The following NHSL1 variants were observed in gnomAD, a reference collection of about 807,000 sequenced individuals.
NHSL1 encodes the protein NHS like 1.
Under a neutral mutation model 95.0 loss-of-function variants are expected in NHSL1, and 48 were observed. The observed-to-expected ratio is 0.51, with a 90% CI of 0.40 to 0.64. NHSL1 has a LOEUF of 0.64. NHSL1 is among the 30% of genes least tolerant of loss of function. The pLI is 0.00. For missense variants in NHSL1, 1,971 were observed against 2,077.7 expected, an observed-to-expected ratio of 0.95 and a Z score of 1.00; for synonymous variants, 783 against 833.9, an observed-to-expected ratio of 0.94 and a Z score of 1.05.
At chr6:138,590,280 A>G (rs750987363) in intron 1 of NHSL1, among the ~76,000 whole-genome samples, 1 of 152,142 alleles carries the variant, frequency 6.6e-6, no homozygotes, top group Non-Finnish European at 1.5e-5. Context: ...TTCCAGGCGT[A>G]AGCCACTGCG....
intron 1 of NHSL1, among the ~76,000 whole-genome samples, chr6:138,645,834 C>T (rs1458611450): frequency 6.6e-6 from 1 of 152,084 alleles, no homozygotes; most frequent in Non-Finnish European, 1.5e-5. Context: ...CCTCCACAAA[C>T]ATCACCAGAG....
intron 1 of NHSL1, among the ~76,000 whole-genome samples, chr6:138,626,004 G>A (rs897216844): frequency 1.3e-5 from 2 of 152,194 alleles, no homozygotes; most frequent in African/African-American, 4.8e-5. Flanking sequence ...GAAAACTACT[G>A]TTGAGTTTTT....
intron 1 of NHSL1, among the ~76,000 whole-genome samples, chr6:138,682,208 G>C (rs1269550296): frequency 6.6e-6 from 1 of 151,846 alleles, no homozygotes; most frequent in African/African-American, 2.4e-5. Context: ...TTTCTACATG[G>C]GTGGAAATGT....
At position 138,611,475 on chromosome 6, in the gene NHSL1, G is replaced by A. The variant is rs115530180; in HGVS notation, c.96+81001C>T. Among the ~76,000 whole-genome samples, 302 of 152,280 alleles carry A rather than the reference G, an allele frequency of 2.0e-3. 1 individual carries two copies. The highest frequency in any genetic ancestry group is 6.7e-3 in the African/African-American group (280 of 41,570). On this transcript the variant is annotated intron_variant, in intron 1 of 3. Coordinates refer to the NHSL1 transcript ENST00000491526. Reference sequence around the variant, plus strand: ...ACATTAAAGGCTGCCATGCCACCACGGTGGCTCACGCCTGTAATCCCAGCA... The same window carrying A: ...ACATTAAAGGCTGCCATGCCACCACAGTGGCTCACGCCTGTAATCCCAGCA...
At chr6:138,562,525 G>T (rs1783451011) in intron 1 of NHSL1, among the ~76,000 whole-genome samples, 1 of 152,066 alleles carries the variant, frequency 6.6e-6, no homozygotes, top group Non-Finnish European at 1.5e-5. Context: ...AGCCAGGCGT[G>T]GTGGCACACA....
At chr6:138,645,444 T>C (rs951003708) in intron 1 of NHSL1, among the ~76,000 whole-genome samples, 1 of 152,146 alleles carries the variant, frequency 6.6e-6, no homozygotes, top group Non-Finnish European at 1.5e-5. Flanking sequence ...ATTTGTTCTA[T>C]AGCACTAATC....
intron 3 of NHSL1, among the ~76,000 whole-genome samples, chr6:138,472,743 G>A (rs1428744804): frequency 1.3e-5 from 2 of 152,180 alleles, no homozygotes; most frequent in Non-Finnish European, 2.9e-5. Flanking sequence ...TATCACCAGA[G>A]ATGGCAGAGG....
chr6:138,537,189 C>T (rs1216972763), intron 1 of NHSL1, among the ~76,000 whole-genome samples: 1 of 152,194 alleles, frequency 6.6e-6, no homozygotes, highest in Admixed American at 6.5e-5. Flanking sequence ...GGAAACATTT[C>T]CAAAAAGGAA....
At chr6:138,494,846 A>G (rs1259490473) in intron 2 of NHSL1, among the ~76,000 whole-genome samples, 1 of 152,208 alleles carries the variant, frequency 6.6e-6, no homozygotes, top group Admixed American at 6.5e-5. Context: ...ACTAAGAAAA[A>G]GTCTCTGAAT....
intron 1 of NHSL1, among the ~76,000 whole-genome samples, chr6:138,516,823 C>T (rs1450886507): frequency 1.3e-5 from 2 of 151,922 alleles, no homozygotes; most frequent in Non-Finnish European, 2.9e-5. Flanking sequence ...TTTTTAGAGA[C>T]AGGGTTTCAC....
intron 1 of NHSL1, among the ~76,000 whole-genome samples, chr6:138,675,918 T>C (rs1378577936): frequency 6.6e-6 from 1 of 152,228 alleles, no homozygotes; most frequent in Non-Finnish European, 1.5e-5. Flanking sequence ...GGGGTTGCCC[T>C]ATGCCTGGTC....
intron 1 of NHSL1, among the ~76,000 whole-genome samples, chr6:138,614,812 C>A (rs1225523631): frequency 6.6e-6 from 1 of 152,118 alleles, no homozygotes; most frequent in African/African-American, 2.4e-5. Context: ...GAAGCATGAA[C>A]CCTATTGTGA....
chr6:138,434,044 T>C (rs1361718584), intron 5 of NHSL1, among the ~76,000 whole-genome samples: 1 of 152,204 alleles, frequency 6.6e-6, no homozygotes, highest in Non-Finnish European at 1.5e-5. Flanking sequence ...ACTGGGTGAC[T>C]GTGCAGACCA....
intron 1 of NHSL1, among the ~76,000 whole-genome samples, chr6:138,688,606 G>A (rs1285950475): frequency 6.6e-6 from 1 of 152,088 alleles, no homozygotes; most frequent in East Asian, 1.9e-4. Flanking sequence ...TCACGCCACT[G>A]CACTCCATCC....
At chr6:138,535,261 T>C (rs1425990046) in intron 1 of NHSL1, among the ~76,000 whole-genome samples, 4 of 151,824 alleles carry the variant, frequency 2.6e-5, no homozygotes, top group Admixed American at 6.6e-5. Flanking sequence ...AATGTAGGAA[T>C]AAGAAAAAAA....
intron 7 of NHSL1, among the ~76,000 whole-genome samples, chr6:138,428,553 G>A (rs949366376): frequency 1.3e-5 from 2 of 152,302 alleles, no homozygotes; most frequent in Middle Eastern, 3.4e-3. Context: ...AACACTAGAG[G>A]AGCGACGTAA....
At chr6:138,604,706 ACCTCTGCCT>A (rs1250612812) in intron 1 of NHSL1, among the ~76,000 whole-genome samples, 6 of 151,856 alleles carry the variant, frequency 4.0e-5, no homozygotes, top group African/African-American at 1.5e-4. Flanking sequence ...GCTCACTGCA[ACCTCTGCCT>A]CCTGGGTTCA....
chr6:138,466,479 C>T (rs1410942608), intron 3 of NHSL1, among the ~76,000 whole-genome samples: 1 of 152,220 alleles, frequency 6.6e-6, no homozygotes, highest in East Asian at 1.9e-4. Context: ...TCCCAATCAC[C>T]TCTATGCTGA....
chr6:138,431,836 T>C lies in NHSL1; in HGVS notation c.2509A>G (p.Met837Val), dbSNP rs1259693428. ...ACTCTGTGTGACTTCTCTGGTGACA[T>C]GATCTTTGGTTTGACTGAACCACCG... ...VPGGSVKPKI[M>V]SPEKSHRVIS... is the part of the protein sequence containing the mutation. Residue 837 changes from methionine (M) to valine (V), a missense_variant, in exon 6 of 8, where the codon ATG (methionine) becomes GTG (valine). This residue lies in a region of NHSL1 where 1,602 missense variants were observed against 1,654.5 expected (regional missense o/e 0.97). Coordinates refer to ENST00000343505, the MANE Select transcript of NHSL1 (RefSeq NM_001144060.2). The surrounding 1 kb of genome is among the most constrained non-coding windows in gnomAD (Gnocchi z 4.0). 1 of 1,550,922 alleles carries C rather than the reference T, an allele frequency of 6.4e-7. No homozygotes were observed. Among genetic ancestry groups the C allele is most frequent in the African/African-American group, 1.4e-5 (1 of 73,004 alleles).
Sources: gnomAD v4.1 joint callset for allele counts (sites outside exome capture counted in the v4.1 genomes callset) on GRCh38, gnomAD v4.1.1 for gene constraint, gnomAD v4.1.1 regional missense constraint, Gnocchi (gnomAD v3.1) non-coding constraint, MANE v1.5 for transcripts, NCBI Gene and HGNC (gene_info 2026-07-23, HGNC 2026-07-21) for gene names.